RPS6KC1: variants seen among roughly 807,000 people sequenced by gnomAD.
The protein encoded by RPS6KC1 is inactive ribosomal protein S6 kinase delta-1.
Under a neutral mutation model 103.8 loss-of-function variants are expected in RPS6KC1, and 54 were observed. The observed-to-expected ratio is 0.52, with a 90% confidence interval of 0.42 to 0.65. The LOEUF is 0.65. Ranked by LOEUF, RPS6KC1 falls within the 30% of genes least tolerant of loss-of-function variation. The pLI, the probability that RPS6KC1 is intolerant of heterozygous loss-of-function variation, is 0.00. For synonymous variants in RPS6KC1, 439 were observed against 438.7 expected, an observed-to-expected ratio of 1.00 and a Z score of -0.01; for missense variants, 1,151 against 1,253.8, an observed-to-expected ratio of 0.92 and a Z score of 1.24.
the RPS6KC1 span, among the ~76,000 whole-genome samples, chr1:213,726,402 G>T: frequency 1.3e-5 from 2 of 152,170 alleles, no homozygotes; most frequent in East Asian, 3.9e-4. Context: ...TTTTCAAAAG[G>T]CAGATGGCAC....
At chr1:213,858,030 G>T in the RPS6KC1 span, among the ~76,000 whole-genome samples, 3 of 152,136 alleles carry the variant, frequency 2.0e-5, no homozygotes, top group African/African-American at 7.2e-5. Context: ...TCTTACATCA[G>T]CCAAGTTCTG....
chr1:213,794,099 A>G, the RPS6KC1 span, among the ~76,000 whole-genome samples: 1 of 152,186 alleles, frequency 6.6e-6, no homozygotes, highest in African/African-American at 2.4e-5. Context: ...TGATAGATGG[A>G]TCTTCTAATG....
At chr1:213,658,348 C>T in the RPS6KC1 span, among the ~76,000 whole-genome samples, 10 of 152,224 alleles carry the variant, frequency 6.6e-5, no homozygotes, top group African/African-American at 1.7e-4. Flanking sequence ...AGAGGTGAAG[C>T]GGCTAAGTCA....
the RPS6KC1 span, among the ~76,000 whole-genome samples, chr1:213,550,251 A>G: frequency 8.5e-4 from 129 of 152,332 alleles, no homozygotes; most frequent in African/African-American, 3.0e-3. Flanking sequence ...CCCAGGGGGA[A>G]GAAACACTGC....
chr1:213,077,830 T>C lies in RPS6KC1; in HGVS notation c.262+14T>C. The C allele has an allele frequency of 6.8e-7, 1 of 1,469,332 alleles. No individual in the cohort carries two copies. The highest frequency in any genetic ancestry group is 2.4e-5 in the East Asian group (1 of 42,194). The allele number at this position is 1,469,332 out of a possible 1,614,324, so 91.0% of individuals were successfully genotyped here. On this transcript the variant is annotated intron_variant, in intron 3 of 14. Transcript: ENST00000366960. ...GAATAGTGTTTGGTAAGTGATTATT[T>C]TGAAATTGTAATTTAAAAAAATAAT...
chr1:213,630,970 G>A, the RPS6KC1 span, among the ~76,000 whole-genome samples: 1 of 152,166 alleles, frequency 6.6e-6, no homozygotes, highest in Non-Finnish European at 1.5e-5. Context: ...GCCGTGTGAG[G>A]TGTCAGTCTT....
At chr1:213,835,225 C>G in the RPS6KC1 span, among the ~76,000 whole-genome samples, 2 of 152,118 alleles carry the variant, frequency 1.3e-5, no homozygotes, top group Non-Finnish European at 2.9e-5. Flanking sequence ...GCTGAGGAGC[C>G]AAAAGAAAGC....
At chr1:213,285,938 G>C in the RPS6KC1 span, among the ~76,000 whole-genome samples, 2 of 152,148 alleles carry the variant, frequency 1.3e-5, no homozygotes, top group Non-Finnish European at 2.9e-5. Flanking sequence ...CTGGCACCTT[G>C]GTTCTGGGCT....
intron 5 of RPS6KC1, among the ~76,000 whole-genome samples, chr1:213,125,227 GTGTT>G (rs1038065571): frequency 1.6e-4 from 24 of 152,030 alleles, no homozygotes; most frequent in Admixed American, 4.6e-4. Flanking sequence ...TTTTCTGTGT[GTGTT>G]TGTTTTTAAA....
At chr1:213,144,093 C>T (rs1337805362) in intron 6 of RPS6KC1, among the ~76,000 whole-genome samples, 1 of 151,982 alleles carries the variant, frequency 6.6e-6, no homozygotes, top group East Asian at 1.9e-4. Flanking sequence ...AAACCCTTAA[C>T]CTTAATCACA....
chr1:213,524,763 C>A, the RPS6KC1 span, among the ~76,000 whole-genome samples: 12 of 152,134 alleles, frequency 7.9e-5, no homozygotes, highest in African/African-American at 2.9e-4. Context: ...CAGTGCCTAC[C>A]ACTTGCACCT....
chr1:213,708,867 A>G, the RPS6KC1 span, among the ~76,000 whole-genome samples: 2 of 152,190 alleles, frequency 1.3e-5, no homozygotes, highest in African/African-American at 4.8e-5. Context: ...TGATTTGTGT[A>G]TGTTGAACCA....
chr1:213,059,176 A>G (rs1486976287), intron 1 of RPS6KC1, among the ~76,000 whole-genome samples: 1 of 152,238 alleles, frequency 6.6e-6, no homozygotes, highest in East Asian at 1.9e-4. Context: ...TTACATATGT[A>G]TACATGTGCC....
intron 6 of RPS6KC1, among the ~76,000 whole-genome samples, chr1:213,163,451 A>G (rs1392966298): frequency 3.3e-5 from 5 of 152,236 alleles, no homozygotes; most frequent in Non-Finnish European, 5.9e-5. Flanking sequence ...AATACTCTTA[A>G]TAGCCCCTTA....
chr1:213,392,335 C>T, the RPS6KC1 span, among the ~76,000 whole-genome samples: 2 of 151,940 alleles, frequency 1.3e-5, no homozygotes, highest in African/African-American at 2.4e-5. Flanking sequence ...ACCTACAGCC[C>T]GGTCTCAACT....
chr1:213,663,145 A>G, the RPS6KC1 span, among the ~76,000 whole-genome samples: 3 of 152,346 alleles, frequency 2.0e-5, no homozygotes, highest in Middle Eastern at 3.4e-3. Context: ...TGTGAGGATT[A>G]AATGTATGCA....
At chr1:213,169,391 A>G (rs1282151014) in intron 7 of RPS6KC1, among the ~76,000 whole-genome samples, 2 of 152,200 alleles carry the variant, frequency 1.3e-5, no homozygotes, top group Non-Finnish European at 2.9e-5. Flanking sequence ...ATAATCTAAC[A>G]TAATGATTGT....
the RPS6KC1 span, among the ~76,000 whole-genome samples, chr1:213,329,843 C>G: frequency 6.6e-6 from 1 of 152,208 alleles, no homozygotes; most frequent in Non-Finnish European, 1.5e-5. Flanking sequence ...CCCCCAACCC[C>G]TCCCAGTCAC....
At chr1:213,456,180 T>C in the RPS6KC1 span, among the ~76,000 whole-genome samples, 3 of 152,194 alleles carry the variant, frequency 2.0e-5, no homozygotes, top group South Asian at 6.2e-4. Flanking sequence ...GGAGTGTGCG[T>C]CCCGTGCAGC....
Sources: gnomAD v4.1 joint callset for allele counts (sites outside exome capture counted in the v4.1 genomes callset) on GRCh38, gnomAD v4.1.1 for gene constraint, MANE v1.5 for transcripts, NCBI Gene and HGNC (gene_info 2026-07-23, HGNC 2026-07-21) for gene names.